PLCB2: variants seen among roughly 807,000 people sequenced by gnomAD.
PLCB2 encodes phospholipase C beta 2, also known as 1-phosphatidylinositol 4,5-bisphosphate phosphodiesterase beta-2.
A neutral mutation model predicts 141.7 loss-of-function variants in PLCB2; 115 were observed. The observed-to-expected ratio is 0.81, with a 90% CI of 0.70 to 0.95. The LOEUF is 0.95. PLCB2 is among the 40% of genes least tolerant of loss of function. PLCB2 has a pLI of 0.00. For missense variants in PLCB2, 1,403 were observed against 1,541.1 expected (o/e 0.91, Z 1.50); for synonymous variants, 603 against 595.6 (o/e 1.01, Z -0.18).
At chr15:40,285,563 G>GGGCC, downstream of PLCB2, 1 of 985,402 alleles carries the variant, frequency 1.0e-6, no homozygotes, top group Non-Finnish European at 1.2e-6. Context: ...CCCAGAGCTA[G>GGGCC]GGCCCCCTTC....
downstream of PLCB2, chr15:40,286,091 C>G: frequency 2.1e-6 from 2 of 967,664 alleles, no homozygotes; most frequent in Non-Finnish European, 2.5e-6. Context: ...AGAAAAGAAA[C>G]AGCAAAGCTG....
intron 30 of PLCB2, 66 bp downstream of exon 30, chr15:40,289,959 G>T: frequency 5.3e-6 from 4 of 760,330 alleles, no homozygotes; most frequent in South Asian, 4.6e-5. Context: ...GAGAGAGAGA[G>T]AGAGAGAGAG....
intron 7 of PLCB2, chr15:40,301,282 A>C: frequency 2.1e-6 from 1 of 483,188 alleles, no homozygotes; most frequent in Non-Finnish European, 3.7e-6. Flanking sequence ...GCTGGGACCC[A>C]CACAAGAGCA....
At chr15:40,303,416 G>T in intron 2 of PLCB2, 60 bp from the exon 3 acceptor site, 1 of 1,262,652 alleles carries the variant, frequency 7.9e-7, no homozygotes, top group Non-Finnish European at 1.2e-6. Context: ...AAAAAGTCCA[G>T]GTCAAGAATG....
chr15:40,284,845 A>T (rs1199909242), downstream of PLCB2, among the ~76,000 whole-genome samples: 13 of 88,286 alleles, frequency 1.5e-4, no homozygotes, highest in Non-Finnish European at 3.5e-4. Context: ...TCAAAAAAAA[A>T]AAAAAAAAAA....
In PLCB2 at chr15:40,296,800, C is replaced by G. The variant is rs751626437; in HGVS notation, c.1432G>C (p.Gly478Arg). ...SGPTSSSKDT[G>R]GEAEGSSPPS... Reference sequence around the variant, plus strand: ...GGGCTGCTGCCCTCAGCCTCCCCACCAGTATCCTTACTGGAGGAGGTGGGG... The same window carrying G: ...GGGCTGCTGCCCTCAGCCTCCCCACGAGTATCCTTACTGGAGGAGGTGGGG... The change falls in exon 14 of 32, where the codon GGT (glycine) becomes CGT (arginine). Residue 478 changes from glycine (G) to arginine (R), a missense_variant. Gly to Arg is a moderately radical substitution (Grantham distance 125, BLOSUM62 -2). Coordinates refer to ENST00000260402, the MANE Select transcript of PLCB2 (RefSeq NM_004573.3). 6.2e-7 allele frequency: 1 copy of G among 1,614,036 alleles called. No individual in the cohort carries two copies. The highest frequency in any genetic ancestry group is 8.5e-7 in the Non-Finnish European group (1 of 1,180,014).
At chr15:40,295,112 A>G (rs2040137740) in intron 17 of PLCB2, 52 bp from the exon 18 acceptor site, 4 of 1,610,440 alleles carry the variant, frequency 2.5e-6, no homozygotes, top group Non-Finnish European at 3.4e-6. Flanking sequence ...AGGAGAACCT[A>G]ACAGCTTACC....
At chr15:40,285,049 G>A (rs1029908744), downstream of PLCB2, among the ~76,000 whole-genome samples, 5 of 152,078 alleles carry the variant, frequency 3.3e-5, no homozygotes. Context: ...AAGGTACTGG[G>A]CATAGATAGG....
intron 21 of PLCB2, 78 bp downstream of exon 21, chr15:40,292,848 C>G: frequency 1.1e-6 from 1 of 876,082 alleles, no homozygotes; most frequent in East Asian, 2.6e-5. Flanking sequence ...CACTCCAGGC[C>G]CCCTCCCAGA....
chr15:40,289,175 T>A lies in PLCB2; in HGVS notation c.3354+97A>T, dbSNP rs2039712185. 31 of 1,153,284 alleles carry A rather than the reference T, an allele frequency of 2.7e-5. No homozygotes were observed. In the South Asian group the frequency reaches 3.6e-4, roughly 13 times the overall value. The allele number at this position is 1,153,284 out of a possible 1,614,324, so 71.4% of individuals were successfully genotyped here. The stretch of plus-strand genomic sequence containing the variant: ...CCACAGTGAAGGATGATGGCCCCCT[T>A]CCCCTACCCTCTCACTGGCAGCTCC... On this transcript the variant is annotated intron_variant, in intron 31 of 31. Coordinates refer to ENST00000260402, the MANE Select transcript of PLCB2 (RefSeq NM_004573.3).
At chr15:40,289,948 AG>A in intron 30 of PLCB2, 76 bp downstream of exon 30, 1 of 339,884 alleles carries the variant, frequency 2.9e-6, no homozygotes, top group South Asian at 3.2e-5. Context: ...AGAGAGAGAG[AG>A]AGAGAGAGAG....
intron 8 of PLCB2, 41 bp from the exon 9 acceptor site, chr15:40,299,005 G>T: frequency 6.3e-7 from 1 of 1,591,358 alleles, no homozygotes; most frequent in East Asian, 2.2e-5. Flanking sequence ...TATCCCTTGG[G>T]CCTGGAGGCT....
chr15:40,296,459 C>T (rs555767832), intron 15 of PLCB2, 63 bp downstream of exon 15: 415 of 1,613,216 alleles, frequency 2.6e-4, no homozygotes, highest in East Asian at 3.8e-4. Context: ...GGCCCAAGGC[C>T]CCCATCCAGG....
Position 40,296,558 on chromosome 15 carries a change from C to A in PLCB2, c.1563G>T (p.Leu521=). The part of the protein sequence containing the change: ...EEEEEEESGN[L]DEEEIKKMQS... ...GCATCTTCTTAATCTCTTCTTCATC[C>A]AGGTTTCCTGACTCCTCCTCCTCTT... Residue 521 remains leucine (L), a synonymous_variant, in exon 15 of 32, where the codon CTG becomes CTT. Coordinates refer to ENST00000260402, the MANE Select transcript of PLCB2 (RefSeq NM_004573.3). 6.2e-7 allele frequency: 1 copy of A among 1,613,892 alleles called. No homozygotes were observed. The highest frequency in any genetic ancestry group is 1.3e-5 in the African/African-American group (1 of 75,048).
chr15:40,296,520 A>G lies in PLCB2; in HGVS notation c.1599+2T>C. On this transcript the variant is annotated splice_donor_variant, in intron 15 of 31. Coordinates refer to ENST00000260402, the MANE Select transcript of PLCB2 (RefSeq NM_004573.3). LOFTEE classifies it high-confidence loss of function. ...GAGGGGCCTGGGGCTACCCCCACAC[A>G]CCTCATCCGACTGCATCTTCTTAAT... 6.2e-7 allele frequency: 1 copy of G among 1,613,802 alleles called. No homozygotes were observed. The highest frequency in any genetic ancestry group is 8.5e-7 in the Non-Finnish European group (1 of 1,179,868).
chr15:40,291,336 C>A lies in PLCB2; in HGVS notation c.2799G>T (p.Glu933Asp). 1 of 1,529,246 alleles carries A rather than the reference C, an allele frequency of 6.5e-7. No homozygotes were observed. The highest frequency in any genetic ancestry group is 8.7e-7 in the Non-Finnish European group (1 of 1,145,398). 94.7% of individuals were successfully genotyped at this position (1,529,246 alleles called of 1,614,324 possible). ...LLQRGAAQLA[E>D]LGPPGVGGVG... ...CGCCCCCCACGCCCGGTGGCCCGAG[C>A]TCCGCCAGCTGCGCCGCGCCCCGCT... The change falls in exon 26 of 32, where the codon GAG (glutamate) becomes GAT (aspartate). Residue 933 changes from glutamate (E) to aspartate (D), a missense_variant. Around this residue, in one of 4 missense-constraint regions of PLCB2, gnomAD observed 290 missense variants for 245.9 expected, o/e 1.18. Transcript: ENST00000260402.
In PLCB2 at chr15:40,288,474, A is replaced by T. The variant is rs1178463542; in HGVS notation, c.*241T>A. The T allele has an allele frequency of 3.9e-5, 49 of 1,261,440 alleles. No individual in the cohort carries two copies. The highest frequency in any genetic ancestry group is 4.9e-5 in the Non-Finnish European group (49 of 1,002,896). 78.1% of individuals were successfully genotyped at this position (1,261,440 alleles called of 1,614,324 possible). A position where few individuals can be genotyped will look rare whatever the true frequency, so the allele number is the denominator to read the frequency against. ...ATATATGACACTTATCTAGAGATGGAGGGGGAGGTAGGAAGTCAGCTTGAG... is the reference window on the plus strand; with the variant it reads ...ATATATGACACTTATCTAGAGATGGTGGGGGAGGTAGGAAGTCAGCTTGAG... On this transcript the variant is annotated 3_prime_UTR_variant, in exon 32 of 32. Coordinates refer to ENST00000260402, the MANE Select transcript of PLCB2 (RefSeq NM_004573.3).
At chr15:40,294,168 T>C in intron 19 of PLCB2, 98 bp downstream of exon 19, 1 of 1,223,258 alleles carries the variant, frequency 8.2e-7, no homozygotes, top group South Asian at 1.3e-5. Flanking sequence ...TTCCAGGATA[T>C]CAGGGGAGGG....
At chr15:40,291,240 G>T in intron 26 of PLCB2, 25 bp downstream of exon 26, 4 of 1,573,602 alleles carry the variant, frequency 2.5e-6, no homozygotes, top group Non-Finnish European at 3.4e-6. Context: ...CGCTGCAGAG[G>T]GCAGGGCACC....
Sources: gnomAD v4.1 joint callset for allele counts (sites outside exome capture counted in the v4.1 genomes callset) on GRCh38, gnomAD v4.1.1 for gene constraint, gnomAD v4.1.1 regional missense constraint, MANE v1.5 for transcripts, NCBI Gene and HGNC (gene_info 2026-07-23, HGNC 2026-07-21) for gene names.